DTWD2: variants seen among roughly 807,000 people sequenced by gnomAD.
The protein encoded by DTWD2 is DTW motif tRNA-uridine aminocarboxypropyltransferase 2.
A neutral mutation model predicts 31.8 loss-of-function variants in DTWD2; 39 were observed. The ratio of observed to expected loss-of-function variants is 1.22; its 90% CI spans 0.95 to 1.60. The LOEUF (loss-of-function observed/expected upper bound fraction) is 1.60. Ranked by LOEUF, DTWD2 falls within the 40% of genes most tolerant of loss-of-function variation. The probability of loss-of-function intolerance (pLI) is 0.00; values close to 1 mark genes in which losing one functional copy is unlikely to be tolerated. For synonymous variants in DTWD2, 180 were observed against 142.8 expected, an observed-to-expected ratio of 1.26 and a Z score of -1.86; for missense variants, 515 against 381.5, an observed-to-expected ratio of 1.35 and a Z score of -2.92.
At chr5:118,886,141 C>A (rs1387126426) in intron 4 of DTWD2, among the ~76,000 whole-genome samples, 1 of 152,232 alleles carries the variant, frequency 6.6e-6, no homozygotes, top group Non-Finnish European at 1.5e-5. Context: ...TATTAATTAA[C>A]ATACTGTCTA....
intron 4 of DTWD2, among the ~76,000 whole-genome samples, chr5:118,912,330 C>G (rs1580801983): frequency 6.6e-6 from 1 of 152,132 alleles, no homozygotes; most frequent in South Asian, 2.1e-4. Context: ...GAAGGGAGAA[C>G]TGTACATAAG....
chr5:118,914,505 T>C (rs950001736), intron 4 of DTWD2, among the ~76,000 whole-genome samples: 4 of 152,214 alleles, frequency 2.6e-5, no homozygotes, highest in Non-Finnish European at 5.9e-5. Flanking sequence ...TAAATGTTTA[T>C]TGAGCACAGG....
intron 4 of DTWD2, among the ~76,000 whole-genome samples, chr5:118,875,758 T>C: frequency 6.6e-6 from 1 of 151,994 alleles, no homozygotes; most frequent in East Asian, 1.9e-4. Context: ...TTCCACACAA[T>C]AATAGTGGAG....
rs1751635560 is a variant in DTWD2 at position 118,838,766 on chromosome 5, A to C, written c.*2151T>G. ...ATTTTAAGCTTTTTAAGTCTTCAAA[A>C]ATACTCTAAAATGTTTTATTTAAAA... is the stretch of plus-strand genomic sequence containing the variant. On this transcript the variant is annotated 3_prime_UTR_variant, in exon 6 of 6. Coordinates refer to ENST00000510708, the MANE Select transcript of DTWD2 (RefSeq NM_173666.4). 6.6e-6 allele frequency: 1 copy of C among 152,240 alleles called. No individual in the cohort carries two copies. The highest frequency in any genetic ancestry group is 1.5e-5 in the Non-Finnish European group (1 of 68,032). 9.4% of individuals were successfully genotyped at this position (152,240 alleles called of 1,614,324 possible). A position where few individuals can be genotyped will look rare whatever the true frequency, so the allele number is the denominator to read the frequency against.
intron 3 of DTWD2, among the ~76,000 whole-genome samples, chr5:118,937,690 G>A (rs1754075617): frequency 6.6e-6 from 1 of 152,108 alleles, no homozygotes; most frequent in Admixed American, 6.5e-5. Flanking sequence ...ACAACCCACA[G>A]GGAAATCCCA....
chr5:118,886,656 T>C (rs1052523932), intron 4 of DTWD2, among the ~76,000 whole-genome samples: 1 of 152,342 alleles, frequency 6.6e-6, no homozygotes, highest in South Asian at 2.1e-4. Flanking sequence ...GAGAGAATGC[T>C]GTATACTACA....
chr5:118,962,680 G>A (rs964204286), intron 1 of DTWD2, among the ~76,000 whole-genome samples: 1 of 152,124 alleles, frequency 6.6e-6, no homozygotes, highest in Non-Finnish European at 1.5e-5. Context: ...AGAAGGGACA[G>A]GTAAAGACAA....
chr5:118,907,932 C>A (rs1343666002), intron 4 of DTWD2, among the ~76,000 whole-genome samples: 1 of 152,122 alleles, frequency 6.6e-6, no homozygotes, highest in African/African-American at 2.4e-5. Flanking sequence ...TAATCTCCTG[C>A]AAAATACTTA....
rs563741833 is a variant in DTWD2, at chr5:118,971,061, C to T, written c.218+17233G>A. On this transcript the variant is annotated intron_variant, in intron 1 of 5. Transcript: ENST00000510708. ...TGAAGTACGCAAATCAGTGACACTA[C>T]AAAGCAACCACATAAACAAGTCTGC... Among the ~76,000 whole-genome samples the T allele has an allele frequency of 1.7e-4, 26 of 152,234 alleles. No individual in the cohort carries two copies. The East Asian group carries it at 4.2e-3, about 25-fold the overall frequency.
At chr5:118,886,296 C>A (rs965476384) in intron 4 of DTWD2, among the ~76,000 whole-genome samples, 8 of 152,156 alleles carry the variant, frequency 5.3e-5, no homozygotes, top group Non-Finnish European at 1.2e-4. Context: ...TGAGGATGAT[C>A]AAGAGAAAAT....
Position 118,944,618 on chromosome 5 carries a change from G to A in DTWD2, c.250C>T (p.Leu84Phe), listed in dbSNP as rs945840772. 1 of 1,613,412 alleles carries A rather than the reference G, an allele frequency of 6.2e-7. No individual in the cohort carries two copies. The highest frequency in any genetic ancestry group is 1.3e-5 in the African/African-American group (1 of 74,968). ...GAGATATGCAGAGGGTGCGCTGGGA[G>A]AAATGGACACAAACACACTTTCTGA... The part of the protein sequence containing the change: ...RPQKVCLCPF[L>F]PAHPLHISTH... Residue 84 changes from leucine (L) to phenylalanine (F), a missense_variant, in exon 2 of 6, where the codon CTC becomes TTC. Transcript: ENST00000510708.
intron 4 of DTWD2, among the ~76,000 whole-genome samples, chr5:118,879,523 T>C (rs1177135888): frequency 6.9e-6 from 1 of 145,248 alleles, no homozygotes; most frequent in Non-Finnish European, 1.5e-5. Flanking sequence ...GGCAGGAGAA[T>C]CACTTGAACC....
At chr5:118,943,667 G>A (rs1754261744) in intron 2 of DTWD2, among the ~76,000 whole-genome samples, 2 of 152,170 alleles carry the variant, frequency 1.3e-5, no homozygotes, top group African/African-American at 4.8e-5. Flanking sequence ...GTACCCGGGA[G>A]GCAGAGATTG....
intron 1 of DTWD2, among the ~76,000 whole-genome samples, chr5:118,953,122 G>C (rs1413659290): frequency 6.6e-6 from 1 of 152,146 alleles, no homozygotes; most frequent in Non-Finnish European, 1.5e-5. Flanking sequence ...CCAGCCCTCA[G>C]AGCTTCTGAT....
At chr5:118,959,856 A>G (rs1426238746) in intron 1 of DTWD2, among the ~76,000 whole-genome samples, 1 of 152,232 alleles carries the variant, frequency 6.6e-6, no homozygotes. Flanking sequence ...AGGATTCCCT[A>G]TTCAATAAAT....
Position 118,988,295 on chromosome 5 carries a change from T to C in DTWD2, c.217A>G (p.Ser73Gly). The C allele has an allele frequency of 1.3e-6, 2 of 1,522,322 alleles. No homozygotes were observed. Among genetic ancestry groups the C allele is most frequent in the Non-Finnish European group, 1.8e-6 (2 of 1,139,508 alleles). 94.3% of individuals were successfully genotyped at this position (1,522,322 alleles called of 1,614,324 possible). ...CCCCGCCCCCAGCCCCGCGGTCACCTGCAGCGGGTGCACTCAGGCCTCCGC... is the reference window on the plus strand; with the variant it reads ...CCCCGCCCCCAGCCCCGCGGTCACCCGCAGCGGGTGCACTCAGGCCTCCGC... ...AERRPECTRC[S>G]RPQKVCLCPF... Residue 73 changes from serine to glycine, a missense_variant and splice_region_variant, in exon 1 of 6, where the codon AGC becomes GGC. Physicochemically the swap from Ser to Gly is moderately conservative, Grantham distance 56 (BLOSUM62 0). Coordinates refer to ENST00000510708, the MANE Select transcript of DTWD2 (RefSeq NM_173666.4).
chr5:118,974,219 C>T (rs547515259), intron 1 of DTWD2: 13 of 1,203,682 alleles, frequency 1.1e-5, no homozygotes, highest in South Asian at 1.1e-4. Flanking sequence ...TGGTCACCTT[C>T]GAGTAGAGAG....
chr5:118,926,395 G>T (rs1753808877), intron 4 of DTWD2, among the ~76,000 whole-genome samples: 1 of 152,132 alleles, frequency 6.6e-6, no homozygotes, highest in Admixed American at 6.5e-5. Context: ...ACTCTGGGTG[G>T]AAGGAGGGAG....
At chr5:118,982,639 T>C (rs958799484) in intron 1 of DTWD2, among the ~76,000 whole-genome samples, 7 of 151,954 alleles carry the variant, frequency 4.6e-5, no homozygotes, top group Admixed American at 2.6e-4. Flanking sequence ...ACCCTAAAAG[T>C]TATCAATAAT....
Sources: gnomAD v4.1 joint callset for allele counts (sites outside exome capture counted in the v4.1 genomes callset) on GRCh38, gnomAD v4.1.1 for gene constraint, MANE v1.5 for transcripts, NCBI Gene and HGNC (gene_info 2026-07-23, HGNC 2026-07-21) for gene names.